The following NSRP1 variants were observed in gnomAD, a reference collection of about 807,000 sequenced individuals.
The protein encoded by NSRP1 is nuclear speckle splicing regulatory protein 1.
In NSRP1, 24 loss-of-function variants were observed where a neutral mutation model predicts 54.7. The observed-to-expected ratio is 0.44, with a 90% CI of 0.32 to 0.62. The LOEUF (loss-of-function observed/expected upper bound fraction) is 0.62, where lower values mean the gene tolerates loss of function less well. Among genes scored for constraint, NSRP1 ranks in the 20% least tolerant of loss-of-function variants. The pLI, the probability that NSRP1 is intolerant of heterozygous loss-of-function variation, is 0.06. For missense variants in NSRP1, 596 were observed against 651.2 expected (o/e 0.92, Z 0.92); for synonymous variants, 210 against 213.8 (o/e 0.98, Z 0.15).
chr17:30,181,850 TCCAC>T (rs1905311250), intron 6 of NSRP1, among the ~76,000 whole-genome samples: 1 of 151,944 alleles, frequency 6.6e-6, no homozygotes, highest in Admixed American at 6.6e-5. Flanking sequence ...CCTCAGGTGA[TCCAC>T]CCGCCTCGGC....
chr17:30,157,742 A>G (rs1904360663), intron 2 of NSRP1, among the ~76,000 whole-genome samples: 1 of 152,124 alleles, frequency 6.6e-6, no homozygotes, highest in South Asian at 2.1e-4. Flanking sequence ...TAGCTCCCAC[A>G]TATGAGTGAG....
chr17:30,162,301 A>T (rs1904549029), intron 2 of NSRP1, among the ~76,000 whole-genome samples: 1 of 152,152 alleles, frequency 6.6e-6, no homozygotes, highest in African/African-American at 2.4e-5. Context: ...AAGTGCTGGG[A>T]TTACAGGCGT....
chr17:30,122,549 C>A (rs71371152), intron 2 of NSRP1: 2,542 of 150,270 alleles, frequency 0.017, 28 homozygotes, highest in Non-Finnish European at 0.026. Context: ...GGATTACAGG[C>A]GTGTGCCACC....
At chr17:30,140,019 G>A (rs1030726215) in intron 2 of NSRP1, among the ~76,000 whole-genome samples, 4 of 151,652 alleles carry the variant, frequency 2.6e-5, no homozygotes, top group African/African-American at 7.3e-5. Flanking sequence ...GTGAGACTCC[G>A]TCTCAAAAAA....
chr17:30,157,077 C>T (rs896521954), intron 2 of NSRP1, among the ~76,000 whole-genome samples: 3 of 152,138 alleles, frequency 2.0e-5, no homozygotes, highest in East Asian at 1.9e-4. Context: ...TACTATTTTC[C>T]ATAATGGCTG....
chr17:30,131,318 G>T, intron 2 of NSRP1, among the ~76,000 whole-genome samples: 1 of 150,756 alleles, frequency 6.6e-6, no homozygotes. Context: ...AATTTAATTA[G>T]TAATCTTATT....
chr17:30,122,351 T>TATATATATATATA (rs1567788455), intron 2 of NSRP1: 4 of 48,326 alleles, frequency 8.3e-5, no homozygotes, highest in African/African-American at 2.9e-4. Context: ...AACTCTGGTT[T>TATATATATATATA]CATATATATA....
chr17:30,183,606 T>G (rs998071265), intron 6 of NSRP1, among the ~76,000 whole-genome samples: 1 of 152,186 alleles, frequency 6.6e-6, no homozygotes, highest in African/African-American at 2.4e-5. Context: ...AGAACCAAAG[T>G]TGTTGCACCA....
intron 2 of NSRP1, among the ~76,000 whole-genome samples, chr17:30,147,132 C>CTTTTCTT (rs1555579400): frequency 2.8e-5 from 4 of 140,394 alleles, no homozygotes; most frequent in African/African-American, 1.1e-4. Context: ...CTTTTCTTTT[C>CTTTTCTT]TTTTTTTTTT....
At chr17:30,154,059 G>A (rs1207499355) in intron 2 of NSRP1, among the ~76,000 whole-genome samples, 2 of 150,632 alleles carry the variant, frequency 1.3e-5, no homozygotes, top group Non-Finnish European at 3.0e-5. Flanking sequence ...CACATGTGCT[G>A]TAATCTCAGC....
At chr17:30,156,101 A>G (rs2071959035) in intron 2 of NSRP1, among the ~76,000 whole-genome samples, 1 of 151,762 alleles carries the variant, frequency 6.6e-6, no homozygotes, top group African/African-American at 2.4e-5. Flanking sequence ...CGGCCTCCCA[A>G]AGTGCTGGGA....
chr17:30,139,948 C>T (rs1312411801), intron 2 of NSRP1, among the ~76,000 whole-genome samples: 8 of 152,078 alleles, frequency 5.3e-5, no homozygotes, highest in Non-Finnish European at 1.0e-4. Context: ...GGGGTGAACC[C>T]GGGAGGCGGA....
intron 2 of NSRP1, among the ~76,000 whole-genome samples, chr17:30,133,829 A>AT (rs111748323): frequency 1.3e-5 from 2 of 152,306 alleles, no homozygotes; most frequent in African/African-American, 4.8e-5. Context: ...AATTCTCTCC[A>AT]TATCAGCAAT....
In NSRP1 at chr17:30,185,227, G is replaced by T. The variant is rs770594411; in HGVS notation, c.1230G>T (p.Lys410Asn). 1 of 1,577,142 alleles carries T rather than the reference G, an allele frequency of 6.3e-7. No homozygotes were observed. Among genetic ancestry groups the T allele is most frequent in the African/African-American group, 1.4e-5 (1 of 73,088 alleles). The change falls in exon 7 of 7, where the codon AAG (lysine) becomes AAT (asparagine). Residue 410 changes from lysine (K) to asparagine (N), a missense_variant. Physicochemically the swap from Lys to Asn is moderately conservative, Grantham distance 94. Coordinates refer to ENST00000247026, the MANE Select transcript of NSRP1 (RefSeq NM_032141.4). ...DQNRPSEKGE[K>N]EEKSKAKEEH... ...ACCGACCCAGTGAGAAAGGAGAGAA[G>T]GAAGAGAAAAGCAAAGCAAAGGAAG...
At chr17:30,149,089 T>C (rs1180977953) in intron 2 of NSRP1, among the ~76,000 whole-genome samples, 1 of 152,242 alleles carries the variant, frequency 6.6e-6, no homozygotes, top group East Asian at 1.9e-4. Flanking sequence ...TATACATTTA[T>C]AAATATTTTG....
In NSRP1 at chr17:30,164,493, G is replaced by A. The variant is rs140658467; in HGVS notation, c.115-8049G>A. Reference sequence around the variant, plus strand: ...TTGTCTCCCTAAATTTAAAACTAACGATTTTATTAGAAGGCACCATTGGCT... The same window carrying A: ...TTGTCTCCCTAAATTTAAAACTAACAATTTTATTAGAAGGCACCATTGGCT... On this transcript the variant is annotated intron_variant, in intron 2 of 6. Transcript: ENST00000247026. Among the ~76,000 whole-genome samples the A allele has an allele frequency of 4.6e-5, 7 of 152,092 alleles. No individual in the cohort carries two copies. In the South Asian group the frequency reaches 1.0e-3, roughly 23 times the overall value.
Position 30,125,007 on chromosome 17 carries a change from T to G in NSRP1, c.114+6834T>G, listed in dbSNP as rs2071637431. ...TGAGGTCAGTAGTTCAAGACCAGCC[T>G]GGCCAATATGGTGAAACACCATCTC... is the stretch of plus-strand genomic sequence containing the variant. On this transcript the variant is annotated intron_variant, in intron 2 of 6. Transcript: ENST00000247026. 2.0e-5 allele frequency among the ~76,000 whole-genome samples: 3 copies of G among 152,136 alleles called. 1 individual carries two copies. In the South Asian group the frequency reaches 6.2e-4, roughly 31 times the overall value.
In NSRP1 at chr17:30,185,269, G is replaced by A. The variant is rs1251908667; in HGVS notation, c.1272G>A (p.Arg424=). ...SKAKEEHMKV[R]KERYENNDKY... is the part of the protein sequence containing the mutation. Reference sequence around the variant, plus strand: ...CAAAGGAAGAGCATATGAAAGTAAGGAAGGAAAGATATGAAAATAATGATA... The same window carrying A: ...CAAAGGAAGAGCATATGAAAGTAAGAAAGGAAAGATATGAAAATAATGATA... The change falls in exon 7 of 7, where the codon AGG becomes AGA. Residue 424 remains arginine, a synonymous_variant. Transcript: ENST00000247026. 2 of 1,601,000 alleles carry A rather than the reference G, an allele frequency of 1.2e-6. No individual in the cohort carries two copies. The highest frequency in any genetic ancestry group is 2.7e-5 in the African/African-American group (2 of 73,828).
intron 2 of NSRP1, among the ~76,000 whole-genome samples, chr17:30,154,011 T>TTAAAG (rs1567798692): frequency 1.3e-5 from 2 of 152,146 alleles, no homozygotes; most frequent in African/African-American, 4.8e-5. Flanking sequence ...TTTTGTCTTA[T>TTAAAG]TTTAAAAGAT....
Sources: gnomAD v4.1 joint callset for allele counts (sites outside exome capture counted in the v4.1 genomes callset) on GRCh38, gnomAD v4.1.1 for gene constraint, MANE v1.5 for transcripts, NCBI Gene and HGNC (gene_info 2026-07-23, HGNC 2026-07-21) for gene names.